The following CEMIP variants were observed in gnomAD, a reference collection of about 807,000 sequenced individuals.
CEMIP encodes the protein cell migration inducing hyaluronidase 1.
CEMIP carries 105 observed loss-of-function variants against 156.9 expected under a neutral mutation model. That is an observed-to-expected ratio of 0.67 (90% CI 0.57 to 0.79). The LOEUF (loss-of-function observed/expected upper bound fraction) is 0.79, where lower values mean the gene tolerates loss of function less well. Among genes scored for constraint, CEMIP ranks in the 30% least tolerant of loss-of-function variants. The probability of loss-of-function intolerance (pLI) is 0.00; values close to 1 mark genes in which losing one functional copy is unlikely to be tolerated. For missense variants in CEMIP, 1,457 were observed against 1,769.4 expected, an observed-to-expected ratio of 0.82 and a Z score of 3.17; for synonymous variants, 676 against 668.4, an observed-to-expected ratio of 1.01 and a Z score of -0.17.
intron 1 of CEMIP, among the ~76,000 whole-genome samples, chr15:80,788,780 A>G (rs182566446): frequency 3.2e-4 from 49 of 152,250 alleles, no homozygotes; most frequent in Admixed American, 3.2e-3. Flanking sequence ...CTGAGCCATG[A>G]GTGAGCCTGC....
chr15:80,810,441 C>T (rs1304411413), intron 1 of CEMIP, among the ~76,000 whole-genome samples: 2 of 152,224 alleles, frequency 1.3e-5, no homozygotes, highest in Non-Finnish European at 2.9e-5. Context: ...AATCTCAGCT[C>T]ACTGCAAGCT....
rs765043477 is a variant in CEMIP, at chr15:80,920,287, G to C, written c.1991G>C (p.Arg664Thr). Residue 664 changes from arginine to threonine, a missense_variant, in exon 15 of 30, where the codon AGG becomes ACG. Physicochemically the swap from Arg to Thr is moderately conservative, Grantham distance 71. Coordinates refer to ENST00000394685, the MANE Select transcript of CEMIP (RefSeq NM_001293298.2). ...TACCCGGGGTACATCCCCAAGCCCA[G>C]GCAAGACTGCAAGTAAGTGCCTGGA... is the stretch of plus-strand genomic sequence containing the variant. Reference protein sequence around the residue: ...DSYPGYIPKPRQDCNAVSTFW... With the variant: ...DSYPGYIPKPTQDCNAVSTFW... 1 of 1,614,050 alleles carries C rather than the reference G, an allele frequency of 6.2e-7. No individual in the cohort carries two copies. The highest frequency in any genetic ancestry group is 1.1e-5 in the South Asian group (1 of 91,086).
intron 25 of CEMIP, among the ~76,000 whole-genome samples, chr15:80,940,034 G>A (rs1901280385): frequency 6.6e-6 from 1 of 152,206 alleles, no homozygotes; most frequent in African/African-American, 2.4e-5. Flanking sequence ...GTTCTGGATA[G>A]CTAAGTTTGC....
In CEMIP at chr15:80,797,861, C is replaced by T. The variant is rs531387445; in HGVS notation, c.-176+18247C>T. Among the ~76,000 whole-genome samples the T allele has an allele frequency of 3.5e-4, 54 of 152,292 alleles. 1 individual carries two copies. Among genetic ancestry groups the T allele is most frequent in the African/African-American group, 1.2e-3 (51 of 41,546 alleles). On this transcript the variant is annotated intron_variant, in intron 1 of 29. Coordinates refer to ENST00000394685, the MANE Select transcript of CEMIP (RefSeq NM_001293298.2). ...TCCTCACTAGGAAGCAATGCCAGGCCGCCTCCACTGTGTTTTAGGCCACTG... is the reference window on the plus strand; with the variant it reads ...TCCTCACTAGGAAGCAATGCCAGGCTGCCTCCACTGTGTTTTAGGCCACTG...
chr15:80,869,804 T>C (rs576323296), intron 1 of CEMIP, among the ~76,000 whole-genome samples: 56 of 152,190 alleles, frequency 3.7e-4, no homozygotes, highest in Admixed American at 7.2e-4. Context: ...CAATAGCTCA[T>C]GGTTATCAGT....
chr15:80,908,445 T>C (rs1355707573), intron 13 of CEMIP, among the ~76,000 whole-genome samples: 1 of 152,158 alleles, frequency 6.6e-6, no homozygotes, highest in Non-Finnish European at 1.5e-5. Flanking sequence ...ACAGGATTCA[T>C]TTTCAGACTG....
intron 1 of CEMIP, among the ~76,000 whole-genome samples, chr15:80,823,496 A>T (rs181475990): frequency 6.6e-6 from 1 of 152,116 alleles, no homozygotes; most frequent in African/African-American, 2.4e-5. Flanking sequence ...GGGACTTTTC[A>T]GTCTTAGCTC....
chr15:80,899,144 C>T (rs923376215), intron 12 of CEMIP, among the ~76,000 whole-genome samples: 8 of 148,486 alleles, frequency 5.4e-5, no homozygotes, highest in South Asian at 2.1e-4. Flanking sequence ...ACCTGGGAGG[C>T]GGAGGTTGCA....
Position 80,884,265 on chromosome 15 carries a change from GAAT to G in CEMIP, c.709_711del (p.Asn237del). On this transcript the variant is annotated inframe_deletion, in exon 7 of 30. Coordinates refer to ENST00000394685, the MANE Select transcript of CEMIP (RefSeq NM_001293298.2). ...ATGGCAGGATCCTTTCTGTTGCAGT[GAAT>G]GATGAAGGTTCTCGAAATCTGGATG... 1 of 1,614,224 alleles carries G rather than the reference GAAT, an allele frequency of 6.2e-7. No homozygotes were observed. The highest frequency in any genetic ancestry group is 8.5e-7 in the Non-Finnish European group (1 of 1,180,036).
chr15:80,813,855 A>G (rs1896726209), intron 1 of CEMIP, among the ~76,000 whole-genome samples: 2 of 152,140 alleles, frequency 1.3e-5, no homozygotes, highest in South Asian at 4.2e-4. Context: ...TCTTTCTAAA[A>G]GGCAAATTTG....
chr15:80,838,357 G>A (rs1043954421), intron 1 of CEMIP, among the ~76,000 whole-genome samples: 39 of 152,086 alleles, frequency 2.6e-4, no homozygotes, highest in Non-Finnish European at 4.3e-4. Flanking sequence ...GAACTGTGGC[G>A]AGGCAGCCGT....
intron 28 of CEMIP, among the ~76,000 whole-genome samples, chr15:80,944,233 T>C (rs529453446): frequency 3.2e-4 from 49 of 152,240 alleles, no homozygotes; most frequent in African/African-American, 9.4e-4. Context: ...TGAGCCGAGA[T>C]TGCGCAGCTG....
chr15:80,880,303 A>G (rs1275010680), intron 5 of CEMIP, among the ~76,000 whole-genome samples: 2 of 152,224 alleles, frequency 1.3e-5, no homozygotes, highest in African/African-American at 2.4e-5. Flanking sequence ...TCTGATATGG[A>G]CAAAAATACA....
intron 1 of CEMIP, among the ~76,000 whole-genome samples, chr15:80,811,110 G>C (rs1311927488): frequency 6.6e-6 from 1 of 152,136 alleles, no homozygotes; most frequent in Non-Finnish European, 1.5e-5. Flanking sequence ...CCTACTTACA[G>C]TCTAGTGGAG....
At position 80,932,060 on chromosome 15, in the gene CEMIP, G is replaced by T; in HGVS notation, c.2793+21G>T. 6.2e-7 allele frequency: 1 copy of T among 1,610,762 alleles called. No individual in the cohort carries two copies. On this transcript the variant is annotated intron_variant, in intron 22 of 29. Coordinates refer to ENST00000394685, the MANE Select transcript of CEMIP (RefSeq NM_001293298.2). This position sits in a 1 kb window ranked among gnomAD's most constrained non-coding sequence, Gnocchi z 4.5. Reference sequence around the variant, plus strand: ...TTCCGGTGAGTGAGGCGCCAGGGCAGACTCCCGGCAAACCCAGACTTTGGA... The same window carrying T: ...TTCCGGTGAGTGAGGCGCCAGGGCATACTCCCGGCAAACCCAGACTTTGGA...
intron 1 of CEMIP, among the ~76,000 whole-genome samples, chr15:80,791,846 T>C (rs1202152024): frequency 1.3e-5 from 2 of 152,220 alleles, no homozygotes; most frequent in Non-Finnish European, 2.9e-5. Context: ...AGGGACAGCA[T>C]TTCAAGTGAG....
chr15:80,908,070 G>A (rs1255471318), intron 13 of CEMIP, among the ~76,000 whole-genome samples: 3 of 152,078 alleles, frequency 2.0e-5, no homozygotes, highest in East Asian at 1.9e-4. Context: ...TGCTAGCAGC[G>A]CTCCCCAGTT....
At chr15:80,786,308 T>C (rs775429977) in intron 1 of CEMIP, among the ~76,000 whole-genome samples, 1 of 152,124 alleles carries the variant, frequency 6.6e-6, no homozygotes, top group Non-Finnish European at 1.5e-5. Flanking sequence ...ATGAACACAG[T>C]TCCCTGCAGC....
At chr15:80,913,882 T>C (rs1900161318) in intron 14 of CEMIP, among the ~76,000 whole-genome samples, 2 of 152,258 alleles carry the variant, frequency 1.3e-5, no homozygotes, top group African/African-American at 4.8e-5. Flanking sequence ...TAAAAATACA[T>C]GCTTAGCTTT....
Sources: allele counts gnomAD v4.1 joint callset (sites outside exome capture counted in the v4.1 genomes callset), GRCh38; gene constraint gnomAD v4.1.1; non-coding constraint Gnocchi (gnomAD v3.1); transcripts MANE v1.5; gene names NCBI Gene and HGNC (gene_info 2026-07-23, HGNC 2026-07-21).